RNLS: variants seen among roughly 807,000 people sequenced by gnomAD.
The protein encoded by RNLS is renalase.
RNLS carries 39 observed loss-of-function variants against 39.8 expected under a neutral mutation model. The observed-to-expected ratio is 0.98, with a 90% CI of 0.76 to 1.28. RNLS has a LOEUF of 1.28. RNLS is among the 50% of genes most tolerant of loss of function. The pLI is 0.00. For missense variants in RNLS, 410 were observed against 413.3 expected (o/e 0.99, Z 0.07); for synonymous variants, 147 against 150.7 (o/e 0.98, Z 0.18).
chr10:88,327,262 A>G (rs892102689), intron 5 of RNLS, among the ~76,000 whole-genome samples: 2 of 152,080 alleles, frequency 1.3e-5, no homozygotes, highest in Admixed American at 1.3e-4. Flanking sequence ...GGAATGATAT[A>G]ATTTGGCTGT....
At chr10:88,180,602 A>T in the RNLS span, among the ~76,000 whole-genome samples, 1 of 152,242 alleles carries the variant, frequency 6.6e-6, no homozygotes, top group East Asian at 1.9e-4. Flanking sequence ...GTTGTAGATA[A>T]TATACTTATT....
chr10:88,544,157 A>G (rs559691096), intron 4 of RNLS, among the ~76,000 whole-genome samples: 1 of 152,284 alleles, frequency 6.6e-6, no homozygotes, highest in African/African-American at 2.4e-5. Context: ...TATTTAAAAC[A>G]CCTTGAAGAG....
chr10:88,323,273 G>GA (rs1281804446), intron 5 of RNLS, among the ~76,000 whole-genome samples: 8 of 151,806 alleles, frequency 5.3e-5, no homozygotes, highest in Middle Eastern at 3.4e-3. Flanking sequence ...CACAGAATTA[G>GA]AAAAAAACAA....
chr10:88,412,153 G>T (rs946021068), intron 4 of RNLS, among the ~76,000 whole-genome samples: 1 of 151,964 alleles, frequency 6.6e-6, no homozygotes, highest in Non-Finnish European at 1.5e-5. Context: ...GAAGGCAGGG[G>T]GGTCAGGTGA....
chr10:88,533,682 C>T (rs1847572830), intron 4 of RNLS, among the ~76,000 whole-genome samples: 2 of 151,904 alleles, frequency 1.3e-5, no homozygotes, highest in Non-Finnish European at 2.9e-5. Flanking sequence ...GAAGTGCAGG[C>T]AAGAGGTAAG....
At chr10:88,557,561 A>T (rs1271580426) in intron 4 of RNLS, among the ~76,000 whole-genome samples, 2 of 152,158 alleles carry the variant, frequency 1.3e-5, no homozygotes, top group African/African-American at 2.4e-5. Flanking sequence ...AAGAAAAAAA[A>T]CAAATTTGGA....
In RNLS at chr10:88,511,943, C is replaced by A. The variant is rs117434373; in HGVS notation, c.526+60960G>T. Among the ~76,000 whole-genome samples, 135 of 152,220 alleles carry A rather than the reference C, an allele frequency of 8.9e-4. 4 individuals are homozygous for A. The East Asian group carries it at 0.026, about 29-fold the overall frequency. On this transcript the variant is annotated intron_variant, in intron 4 of 6. Transcript: ENST00000331772. ...CATAATATCCCATAATATAAATGCA[C>A]AATAATTTATTTAAACAAACTGCTA...
At chr10:88,207,595 G>T in the RNLS span, among the ~76,000 whole-genome samples, 3 of 152,258 alleles carry the variant, frequency 2.0e-5, no homozygotes, top group Admixed American at 2.0e-4. Context: ...CTTTTAAAAA[G>T]AGAAGAAAAG....
intron 6 of RNLS, among the ~76,000 whole-genome samples, chr10:88,291,643 G>T (rs1024981389): frequency 2.0e-5 from 3 of 152,140 alleles, no homozygotes; most frequent in Non-Finnish European, 2.9e-5. Context: ...ACCAACCCTG[G>T]ATTAGAAGAT....
chr10:88,331,323 C>T (rs1015598260), intron 5 of RNLS, among the ~76,000 whole-genome samples: 8 of 152,130 alleles, frequency 5.3e-5, no homozygotes, highest in Non-Finnish European at 1.2e-4. Context: ...TAAATTATAT[C>T]TCTGACAGGG....
chr10:88,326,853 G>T (rs898109585), intron 5 of RNLS, among the ~76,000 whole-genome samples: 2 of 152,202 alleles, frequency 1.3e-5, no homozygotes, highest in Non-Finnish European at 2.9e-5. Context: ...GGGTAGAGCT[G>T]CCCAAGACTG....
At chr10:88,402,168 G>A (rs1021616180) in intron 4 of RNLS, among the ~76,000 whole-genome samples, 7 of 151,896 alleles carry the variant, frequency 4.6e-5, no homozygotes, top group Non-Finnish European at 7.4e-5. Flanking sequence ...ATTCTTGCCC[G>A]CACCTCCCTT....
chr10:88,388,953 G>A (rs1564758358), intron 4 of RNLS, among the ~76,000 whole-genome samples: 1 of 152,140 alleles, frequency 6.6e-6, no homozygotes, highest in Admixed American at 6.5e-5. Flanking sequence ...TGCATCAGTG[G>A]AGCCATGGAT....
the RNLS span, among the ~76,000 whole-genome samples, chr10:88,234,575 G>A: frequency 6.6e-5 from 10 of 152,308 alleles, no homozygotes; most frequent in South Asian, 2.1e-4. Context: ...AGCTGGCTGA[G>A]GGCCTGGTAG....
At chr10:88,509,453 A>G (rs1041766731) in intron 4 of RNLS, among the ~76,000 whole-genome samples, 3 of 149,476 alleles carry the variant, frequency 2.0e-5, no homozygotes, top group South Asian at 2.2e-4. Context: ...AGAGAGAGAA[A>G]AAAAAGGAGA....
chr10:88,509,567 A>C (rs1845988102), intron 4 of RNLS, among the ~76,000 whole-genome samples: 1 of 152,012 alleles, frequency 6.6e-6, no homozygotes, highest in Non-Finnish European at 1.5e-5. Context: ...AAAATATATA[A>C]AGCATTTGAT....
At chr10:88,215,959 C>G in the RNLS span, among the ~76,000 whole-genome samples, 2 of 152,084 alleles carry the variant, frequency 1.3e-5, no homozygotes, top group South Asian at 2.1e-4. Flanking sequence ...CTTGGCCTCT[C>G]AAAGTGTTGG....
chr10:88,255,645 G>A, the RNLS span, among the ~76,000 whole-genome samples: 6 of 152,304 alleles, frequency 3.9e-5, no homozygotes, highest in Non-Finnish European at 7.4e-5. Context: ...GTGATATTAC[G>A]ATAAATCATT....
rs555873676 is a variant in RNLS, at chr10:88,535,549, G to C, written c.526+37354C>G. On this transcript the variant is annotated intron_variant, in intron 4 of 6. Transcript: ENST00000331772. Reference sequence around the variant, plus strand: ...ACCACCATGGCACACGTTTACCTACGTAACAAACCTGCACATCCTGCACAT... The same window carrying C: ...ACCACCATGGCACACGTTTACCTACCTAACAAACCTGCACATCCTGCACAT... Among the ~76,000 whole-genome samples, 19 of 151,960 alleles carry C rather than the reference G, an allele frequency of 1.3e-4. No individual in the cohort carries two copies. In the East Asian group the frequency reaches 3.5e-3, roughly 28 times the overall value.
Sources: gnomAD v4.1 joint callset for allele counts (sites outside exome capture counted in the v4.1 genomes callset) on GRCh38, gnomAD v4.1.1 for gene constraint, MANE v1.5 for transcripts, NCBI Gene and HGNC (gene_info 2026-07-23, HGNC 2026-07-21) for gene names.